Variants in VTA1 observed in about 807,000 individuals in gnomAD.
VTA1 encodes the protein vacuolar protein sorting-associated protein VTA1 homolog.
VTA1 carries 24 observed loss-of-function variants against 36.9 expected under a neutral mutation model. That is an observed-to-expected ratio of 0.65 (90% confidence interval 0.47 to 0.91). VTA1 has a LOEUF of 0.91. Among genes scored for constraint, VTA1 ranks in the 40% least tolerant of loss-of-function variants. VTA1 has a pLI of 0.00. For missense variants in VTA1, 393 were observed against 377.2 expected (o/e 1.04, Z -0.35); for synonymous variants, 142 against 130.2 (o/e 1.09, Z -0.62).
chr6:142,168,746 T>TATC (rs1380919520), intron 2 of VTA1, among the ~76,000 whole-genome samples: 1 of 133,080 alleles, frequency 7.5e-6, no homozygotes, highest in Admixed American at 7.1e-5. Flanking sequence ...ATATCATTAT[T>TATC]ATTATTATTA....
intron 4 of VTA1, among the ~76,000 whole-genome samples, chr6:142,177,623 C>T (rs891581058): frequency 6.6e-6 from 1 of 151,544 alleles, no homozygotes; most frequent in Non-Finnish European, 1.5e-5. Context: ...AGTAGGGTTA[C>T]GTTAAAAAAA....
chr6:142,181,070 A>G (rs1314150091), intron 4 of VTA1, among the ~76,000 whole-genome samples: 1 of 108,186 alleles, frequency 9.2e-6, no homozygotes, highest in Non-Finnish European at 1.8e-5. Flanking sequence ...TTACTCTTAA[A>G]TGGTACAGAA....
intron 7 of VTA1, among the ~76,000 whole-genome samples, chr6:142,213,609 G>T (rs554427758): frequency 7.6e-4 from 116 of 152,352 alleles, no homozygotes; most frequent in Non-Finnish European, 1.3e-3. Context: ...GCACACTTCT[G>T]CCTAGACATC....
intron 2 of VTA1, among the ~76,000 whole-genome samples, chr6:142,169,271 A>T (rs1342547273): frequency 6.6e-6 from 1 of 152,122 alleles, no homozygotes; most frequent in Non-Finnish European, 1.5e-5. Context: ...GGATAATTGG[A>T]TATATTATCC....
intron 1 of VTA1, among the ~76,000 whole-genome samples, chr6:142,151,774 C>G (rs1364595826): frequency 6.6e-6 from 1 of 152,228 alleles, no homozygotes; most frequent in Non-Finnish European, 1.5e-5. Context: ...TGGCTCATGC[C>G]TGTAATCCCA....
rs531070942 is a variant in VTA1 at position 142,224,559 on chromosome 6, A to G, written c.*5916A>G. 5.3e-5 allele frequency: 8 copies of G among 152,310 alleles called. No individual in the cohort carries two copies. Among genetic ancestry groups the G allele is most frequent in the Admixed American group, 4.6e-4 (7 of 15,284 alleles). The allele number at this position is 152,310 out of a possible 1,614,324, so 9.4% of individuals were successfully genotyped here. Reference sequence around the variant, plus strand: ...TGCTAAGTTCCTTGATATTTTATACATTTGTGAATTCCTGGTAATTCACAT... The same window carrying G: ...TGCTAAGTTCCTTGATATTTTATACGTTTGTGAATTCCTGGTAATTCACAT... On this transcript the variant is annotated 3_prime_UTR_variant, in exon 8 of 8. Coordinates refer to ENST00000367630, the MANE Select transcript of VTA1 (RefSeq NM_016485.5).
At chr6:142,170,483 A>G in intron 4 of VTA1, 62 bp downstream of exon 4, 2 of 1,125,612 alleles carry the variant, frequency 1.8e-6, no homozygotes, top group South Asian at 3.2e-5. Context: ...GTTTATCAAT[A>G]TTGTTATTGC....
chr6:142,156,013 T>C (rs980308997), intron 1 of VTA1, among the ~76,000 whole-genome samples: 7 of 152,164 alleles, frequency 4.6e-5, no homozygotes, highest in African/African-American at 1.7e-4. Context: ...GCTCAAAAAG[T>C]GTTAGCCAAA....
At chr6:142,181,116 T>TATATATATATATATATATATATATAC (rs753996612) in intron 4 of VTA1, among the ~76,000 whole-genome samples, 7 of 87,076 alleles carry the variant, frequency 8.0e-5, no homozygotes, top group Non-Finnish European at 9.0e-5. Flanking sequence ...TATATATATA[T>TATATATATATATATATATATATATAC]ACACACACAC....
intron 5 of VTA1, among the ~76,000 whole-genome samples, chr6:142,195,533 T>A (rs1221972915): frequency 2.6e-5 from 4 of 151,396 alleles, no homozygotes; most frequent in Non-Finnish European, 5.9e-5. Flanking sequence ...TAGTACAGTT[T>A]TTTTCTTCTT....
At chr6:142,170,936 G>A (rs181281867) in intron 4 of VTA1, among the ~76,000 whole-genome samples, 11 of 152,094 alleles carry the variant, frequency 7.2e-5, no homozygotes, top group African/African-American at 2.2e-4. Context: ...CCTGTAATAA[G>A]TTCTTTAAAT....
At chr6:142,163,858 T>C (rs899837139) in intron 1 of VTA1, among the ~76,000 whole-genome samples, 3 of 152,160 alleles carry the variant, frequency 2.0e-5, no homozygotes, top group African/African-American at 7.2e-5. Flanking sequence ...AAATTATTTA[T>C]GAATTACATT....
At chr6:142,156,649 G>A (rs1366304578) in intron 1 of VTA1, among the ~76,000 whole-genome samples, 1 of 152,122 alleles carries the variant, frequency 6.6e-6, no homozygotes, top group African/African-American at 2.4e-5. Flanking sequence ...GGGTGACATT[G>A]TAAAGTTAAT....
intron 2 of VTA1, 152 bp downstream of exon 2, chr6:142,166,474 A>G (rs1380926103): frequency 8.9e-6 from 5 of 561,556 alleles, no homozygotes; most frequent in Non-Finnish European, 1.6e-5. Flanking sequence ...ATTTATTTTC[A>G]TTTATTTGCT....
chr6:142,170,163 A>G (rs1326921084), intron 3 of VTA1, among the ~76,000 whole-genome samples, 183 bp from the exon 4 acceptor site: 1 of 152,170 alleles, frequency 6.6e-6, no homozygotes, highest in Non-Finnish European at 1.5e-5. Flanking sequence ...GAGTCTTGTT[A>G]CTTTCTCATA....
At chr6:142,172,869 GT>G (rs1775054269) in intron 4 of VTA1, among the ~76,000 whole-genome samples, 1 of 151,492 alleles carries the variant, frequency 6.6e-6, no homozygotes, top group African/African-American at 2.4e-5. Context: ...ACAATCTTCA[GT>G]TTGTATTTTT....
intron 4 of VTA1, among the ~76,000 whole-genome samples, chr6:142,189,009 T>A (rs1162642131): frequency 6.6e-6 from 1 of 152,220 alleles, no homozygotes; most frequent in Non-Finnish European, 1.5e-5. Context: ...TTTCTTTTTA[T>A]TTTTTTCTTG....
chr6:142,155,891 T>C (rs1216112947), intron 1 of VTA1, among the ~76,000 whole-genome samples: 1 of 152,202 alleles, frequency 6.6e-6, no homozygotes, highest in Non-Finnish European at 1.5e-5. Context: ...TTGCTTGTCT[T>C]TCTTCTAGAC....
intron 7 of VTA1, among the ~76,000 whole-genome samples, chr6:142,204,582 G>T (rs1215798580): frequency 1.3e-5 from 2 of 151,770 alleles, no homozygotes; most frequent in Non-Finnish European, 2.9e-5. Flanking sequence ...CCCAAATCAG[G>T]CATTGTGTTT....
Sources: allele counts gnomAD v4.1 joint callset (sites outside exome capture counted in the v4.1 genomes callset), GRCh38; gene constraint gnomAD v4.1.1; transcripts MANE v1.5; gene names NCBI Gene and HGNC (gene_info 2026-07-23, HGNC 2026-07-21).